TMEM65: variants seen among roughly 807,000 people sequenced by gnomAD.
TMEM65 encodes the protein transmembrane protein 65.
TMEM65 carries 22 observed loss-of-function variants against 25.4 expected under a neutral mutation model. That is an observed-to-expected ratio of 0.86 (90% CI 0.62 to 1.23). TMEM65 has a LOEUF of 1.23. TMEM65 is among the 50% of genes most tolerant of loss of function. The pLI is 0.00. For synonymous variants in TMEM65, 132 were observed against 126.2 expected (o/e 1.05, Z -0.31); for missense variants, 262 against 308.2 (o/e 0.85, Z 1.12).
At chr8:124,343,416 C>T (rs557813863) in intron 1 of TMEM65, among the ~76,000 whole-genome samples, 172 of 152,156 alleles carry the variant, frequency 1.1e-3, no homozygotes, top group Non-Finnish European at 1.9e-3. Context: ...CCTTCATGAC[C>T]CACCAACTGA....
chr8:124,369,532 A>AT (rs1452031500), intron 1 of TMEM65, among the ~76,000 whole-genome samples: 1 of 152,224 alleles, frequency 6.6e-6, no homozygotes, highest in East Asian at 1.9e-4. Flanking sequence ...TTTAAATAGA[A>AT]TTAATTTTGT....
chr8:124,355,602 G>A (rs1234133751), intron 1 of TMEM65, among the ~76,000 whole-genome samples: 4 of 152,180 alleles, frequency 2.6e-5, no homozygotes, highest in African/African-American at 7.2e-5. Context: ...ATTAAAATTT[G>A]GGAAGCAGGG....
chr8:124,327,999 C>A (rs1814388234), intron 2 of TMEM65, among the ~76,000 whole-genome samples: 2 of 151,972 alleles, frequency 1.3e-5, no homozygotes, highest in South Asian at 4.2e-4. Flanking sequence ...TCAATATTCC[C>A]AAATGCTATT....
intron 1 of TMEM65, among the ~76,000 whole-genome samples, chr8:124,351,279 T>C (rs1814704373): frequency 6.6e-6 from 1 of 152,128 alleles, no homozygotes; most frequent in African/African-American, 2.4e-5. Context: ...TAACGCAAAC[T>C]TAAACTGTGC....
intron 1 of TMEM65, among the ~76,000 whole-genome samples, chr8:124,363,547 G>GATGTAGACATCC (rs1304019452): frequency 3.3e-5 from 5 of 152,154 alleles, no homozygotes; most frequent in Admixed American, 2.0e-4. Flanking sequence ...CATAATACCT[G>GATGTAGACATCC]ATGTAGACAT....
chr8:124,315,401 A>C (rs1814223509), intron 6 of TMEM65, among the ~76,000 whole-genome samples: 1 of 151,630 alleles, frequency 6.6e-6, no homozygotes, highest in African/African-American at 2.4e-5. Context: ...GACTCACTGC[A>C]AGCTCCGTCT....
At chr8:124,346,430 AT>A (rs376920301) in intron 1 of TMEM65, among the ~76,000 whole-genome samples, 7 of 151,950 alleles carry the variant, frequency 4.6e-5, no homozygotes, top group East Asian at 1.9e-4. Flanking sequence ...TTCCTAGTCT[AT>A]TTTTTTTATT....
intron 1 of TMEM65, among the ~76,000 whole-genome samples, chr8:124,352,862 C>G (rs1814729719): frequency 6.6e-6 from 1 of 152,198 alleles, no homozygotes. Flanking sequence ...TCCAGTGGCT[C>G]ACGCCTGTAA....
chr8:124,318,565 AG>A, intron 6 of TMEM65, among the ~76,000 whole-genome samples: 1 of 151,758 alleles, frequency 6.6e-6, no homozygotes, highest in Non-Finnish European at 1.5e-5. Flanking sequence ...CAATAGAGAC[AG>A]GGTTTCACCA....
At chr8:124,349,421 TGGA>T (rs1317534351) in intron 1 of TMEM65, among the ~76,000 whole-genome samples, 1 of 152,170 alleles carries the variant, frequency 6.6e-6, no homozygotes, top group East Asian at 1.9e-4. Flanking sequence ...GTTTTTTGAA[TGGA>T]GGTATTAGGT....
At chr8:124,369,825 ACACT>A (rs2131235007) in intron 1 of TMEM65, among the ~76,000 whole-genome samples, 1 of 152,324 alleles carries the variant, frequency 6.6e-6, no homozygotes, top group Admixed American at 6.5e-5. Context: ...AAGACTACAT[ACACT>A]AACAAAGCAG....
Position 124,372,140 on chromosome 8 carries a change from C to T in TMEM65, c.18G>A (p.Pro6=). Reference sequence around the variant, plus strand: ...TGCGCGCGGTCCGGCTCCTCAGCAGCGGCAGCAGCCGGGACATGGCGAGCT... The same window carrying T: ...TGCGCGCGGTCCGGCTCCTCAGCAGTGGCAGCAGCCGGGACATGGCGAGCT... MSRLL[P]LLRSRTARSL... The change falls in exon 1 of 7, where the codon CCG becomes CCA. Residue 6 remains proline, a synonymous_variant. Transcript: ENST00000297632. 1.6e-6 allele frequency: 2 copies of T among 1,256,602 alleles called. No individual in the cohort carries two copies. The highest frequency in any genetic ancestry group is 2.0e-6 in the Non-Finnish European group (2 of 996,642). The allele number at this position is 1,256,602 out of a possible 1,614,324, so 77.8% of individuals were successfully genotyped here. A position where few individuals can be genotyped will look rare whatever the true frequency, so the allele number is the denominator to read the frequency against.
chr8:124,322,876 G>A (rs1814322672), intron 4 of TMEM65, among the ~76,000 whole-genome samples: 1 of 151,864 alleles, frequency 6.6e-6, no homozygotes, highest in Non-Finnish European at 1.5e-5. Flanking sequence ...GGCGCCAGTA[G>A]TCCCAGCTAC....
At chr8:124,316,039 G>C (rs968263536) in intron 6 of TMEM65, among the ~76,000 whole-genome samples, 7 of 152,064 alleles carry the variant, frequency 4.6e-5, no homozygotes, top group Non-Finnish European at 1.0e-4. Context: ...TTGCAACCAA[G>C]GCTTTCCTTG....
chr8:124,372,655 G>GAGCCGC lies in TMEM65; in HGVS notation c.-504_-499dup, dbSNP rs1056677215. On this transcript the variant is annotated 5_prime_UTR_variant, in exon 1 of 7. Transcript: ENST00000297632. ...GAGCCCTCAAAGCAGCCGCGCTCCC[G>GAGCCGC]AGCCGCAGCCGCCGCCGCCGCCGCT... The GAGCCGC allele has an allele frequency of 7.0e-6, 1 of 142,946 alleles. No homozygotes were observed. The highest frequency in any genetic ancestry group is 2.3e-4 in the East Asian group (1 of 4,292). 8.9% of individuals were successfully genotyped at this position (142,946 alleles called of 1,614,324 possible).
intron 1 of TMEM65, among the ~76,000 whole-genome samples, chr8:124,346,451 T>G (rs958497989): frequency 5.9e-5 from 9 of 152,116 alleles, no homozygotes; most frequent in Non-Finnish European, 2.9e-5. Flanking sequence ...TATGCTTTCA[T>G]GGAAATAATG....
intron 3 of TMEM65, among the ~76,000 whole-genome samples, chr8:124,323,620 C>G (rs1026784291): frequency 6.6e-6 from 1 of 151,960 alleles, no homozygotes; most frequent in Non-Finnish European, 1.5e-5. Flanking sequence ...ATTAGCAACA[C>G]ATGTAGAAAT....
rs539132726 is a variant in TMEM65, at chr8:124,350,634, T to C, written c.305-19842A>G. Reference sequence around the variant, plus strand: ...TGTCAAACTATTCAAAAATATATTTTTAAAATACTGAACATTTCCTGAAGT... The same window carrying C: ...TGTCAAACTATTCAAAAATATATTTCTAAAATACTGAACATTTCCTGAAGT... On this transcript the variant is annotated intron_variant, in intron 1 of 6. Transcript: ENST00000297632. 4.8e-4 allele frequency among the ~76,000 whole-genome samples: 73 copies of C among 152,122 alleles called. No homozygotes were observed. In the South Asian group the frequency reaches 0.015, roughly 31 times the overall value.
chr8:124,318,001 A>T (rs535700294), intron 6 of TMEM65, among the ~76,000 whole-genome samples: 11 of 151,822 alleles, frequency 7.2e-5, no homozygotes, highest in South Asian at 4.2e-4. Context: ...TGATAAGCTT[A>T]AAAAAAATCA....
Sources: gnomAD v4.1 joint callset for allele counts (sites outside exome capture counted in the v4.1 genomes callset) on GRCh38, gnomAD v4.1.1 for gene constraint, MANE v1.5 for transcripts, NCBI Gene and HGNC (gene_info 2026-07-23, HGNC 2026-07-21) for gene names.